VN1R4: variants seen among roughly 807,000 people sequenced by gnomAD.
VN1R4 encodes the protein vomeronasal 1 receptor 4, also known as vomeronasal type-1 receptor 4.
For missense variants in VN1R4, 291 were observed against 364.2 expected, an observed-to-expected ratio of 0.80 and a Z score of 1.64; for synonymous variants, 97 against 138.8, an observed-to-expected ratio of 0.70 and a Z score of 2.12.
chr19:53,267,542 T>C (rs2146990654), exon 1 of VN1R4: 1 of 1,614,000 alleles, frequency 6.2e-7, no homozygotes, highest in East Asian at 2.2e-5. Flanking sequence ...ATCAAATCTG[T>C]GGACCTTAAC....
At chr19:53,266,733 T>A in exon 1 of VN1R4, 1 of 1,560,592 alleles carries the variant, frequency 6.4e-7, no homozygotes. Context: ...ACAATGTACA[T>A]GTTTATGATG....
chr19:53,266,854 G>A lies in VN1R4; in HGVS notation c.812C>T (p.Ala271Val), dbSNP rs2091350607. The stretch of plus-strand genomic sequence containing the variant: ...AGTTGGGAAACATACACTCATTAAG[G>A]CTGAAGTGTTCACCAGTAAACTATT... The change falls in exon 1 of 1, where the codon GCC (alanine) becomes GTC (valine). Residue 271 changes from alanine (A) to valine (V), a missense_variant. By Grantham distance (64) the Ala-to-Val change is moderately conservative (BLOSUM62 0). Transcript: ENST00000311170. 6.2e-7 allele frequency: 1 copy of A among 1,614,132 alleles called. No individual in the cohort carries two copies. The highest frequency in any genetic ancestry group is 8.5e-7 in the Non-Finnish European group (1 of 1,180,020).
exon 1 of VN1R4, chr19:53,267,280 A>G (rs1441682503): frequency 6.2e-7 from 1 of 1,613,930 alleles, no homozygotes; most frequent in South Asian, 1.1e-5. Context: ...GAGAACAGAA[A>G]AGCCAACATG....
chr19:53,266,840 A>G, exon 1 of VN1R4: 1 of 1,614,150 alleles, frequency 6.2e-7, no homozygotes, highest in Non-Finnish European at 8.5e-7. Context: ...GTTGGGAAAC[A>G]TACACTCATT....
exon 1 of VN1R4, chr19:53,267,460 A>G: frequency 2.5e-6 from 4 of 1,614,178 alleles, no homozygotes; most frequent in Non-Finnish European, 3.4e-6. Flanking sequence ...TCTAACCCCA[A>G]AAGCTGCCAT....
exon 1 of VN1R4, chr19:53,266,993 C>G (rs767207068): frequency 7.5e-6 from 12 of 1,602,864 alleles, no homozygotes; most frequent in Middle Eastern, 3.4e-4. Flanking sequence ...TCTGGGGAGG[C>G]TCTGGGGGAG....
rs1038660018 is a variant in VN1R4 at position 53,266,680 on chromosome 19, G to T, written c.*80C>A. ...GGTTCATAATTAAGATTACATTGCG[G>T]CACAGAAGAGTAAGTCATCAATTGA... On this transcript the variant is annotated 3_prime_UTR_variant, in exon 1 of 1. Transcript: ENST00000311170. 1.0e-5 allele frequency: 14 copies of T among 1,386,154 alleles called. No homozygotes were observed. In the African/African-American group the frequency reaches 1.7e-4, roughly 17 times the overall value. The allele number at this position is 1,386,154 out of a possible 1,614,324, so 85.9% of individuals were successfully genotyped here. A position where few individuals can be genotyped will look rare whatever the true frequency, so the allele number is the denominator to read the frequency against.
chr19:53,267,047 G>A lies in VN1R4; in HGVS notation c.619C>T (p.His207Tyr), dbSNP rs540095827. ...TGCTGGACCCGCTGCTTGTGCCTGT[G>A]CAGTATGCAAACCATGGAGCTGCTG... Residue 207 changes from histidine (H) to tyrosine (Y), a missense_variant, in exon 1 of 1, where the codon CAC becomes TAC. Transcript: ENST00000311170. The A allele has an allele frequency of 1.3e-5, 21 of 1,612,950 alleles. No homozygotes were observed. The South Asian group carries it at 2.1e-4, about 16-fold the overall frequency.
Position 53,267,464 on chromosome 19 carries a change from C to T in VN1R4, c.202G>A (p.Ala68Thr), listed in dbSNP as rs534253162. 1.5e-5 allele frequency: 25 copies of T among 1,614,176 alleles called. No individual in the cohort carries two copies. In the East Asian group the frequency reaches 5.6e-4, roughly 36 times the overall value. Residue 68 changes from alanine (A) to threonine (T), a missense_variant, in exon 1 of 1, where the codon GCT becomes ACT. By Grantham distance (58) the Ala-to-Thr change is moderately conservative. Coordinates refer to ENST00000311170, the Ensembl canonical transcript of VN1R4. The stretch of plus-strand genomic sequence containing the variant: ...TTGAGAAAATATCTAACCCCAAAAG[C>T]TGCCATTGTCTGGGGGACTCCTTTA...
At chr19:53,267,621 G>C (rs142658822) in exon 1 of VN1R4, 3 of 1,612,444 alleles carry the variant, frequency 1.9e-6, no homozygotes, top group East Asian at 2.2e-5. Context: ...CTCCCACCAC[G>C]GTCTGTGATA....
At chr19:53,267,646 G>A in exon 1 of VN1R4, 1 of 1,598,464 alleles carries the variant, frequency 6.3e-7, no homozygotes, top group East Asian at 2.2e-5. Flanking sequence ...CATTCCCACT[G>A]CCACATACCG....
chr19:53,266,887 T>C (rs771480899), exon 1 of VN1R4: 11 of 1,613,964 alleles, frequency 6.8e-6, no homozygotes, highest in Non-Finnish European at 4.2e-6. Flanking sequence ...ATTGGGATTA[T>C]CCAAAAGAGC....
chr19:53,267,647 C>G, exon 1 of VN1R4: 1 of 1,598,116 alleles, frequency 6.3e-7, no homozygotes, highest in Non-Finnish European at 8.5e-7. Context: ...ATTCCCACTG[C>G]CACATACCGG....
chr19:53,267,660 G>A, exon 1 of VN1R4: 1 of 1,583,836 alleles, frequency 6.3e-7, no homozygotes, highest in African/African-American at 1.4e-5. Context: ...CATACCGGGA[G>A]GCCATTCTGC....
chr19:53,266,822 G>A (rs1446954286), exon 1 of VN1R4: 1 of 1,614,138 alleles, frequency 6.2e-7, no homozygotes, highest in Admixed American at 1.7e-5. Flanking sequence ...AGAACAAAGG[G>A]GCTGAGAGTT....
rs1311165275 is a variant in VN1R4 at position 53,267,644 on chromosome 19, C to T, written c.22G>A (p.Val8Met). ...ACGGTCTGTGATAAGATCATTCCCA[C>T]TGCCACATACCGGGAGGCCATTCTG... Residue 8 changes from valine (V) to methionine (M), a missense_variant, in exon 1 of 1, where the codon GTG becomes ATG. Physicochemically the swap from Val to Met is conservative, Grantham distance 21. Transcript: ENST00000311170. 3 of 1,599,926 alleles carry T rather than the reference C, an allele frequency of 1.9e-6. No homozygotes were observed. In the South Asian group the frequency reaches 3.4e-5, roughly 18 times the overall value.
exon 1 of VN1R4, chr19:53,267,459 A>C: frequency 6.2e-7 from 1 of 1,614,210 alleles, no homozygotes; most frequent in Non-Finnish European, 8.5e-7. Flanking sequence ...ATCTAACCCC[A>C]AAAGCTGCCA....
chr19:53,267,591 A>G (rs1482110261), exon 1 of VN1R4: 1 of 1,613,782 alleles, frequency 6.2e-7, no homozygotes, highest in Non-Finnish European at 8.5e-7. Context: ...AATGGAGAAG[A>G]ACAGAGAAGC....
exon 1 of VN1R4, chr19:53,266,677 G>C: frequency 7.4e-7 from 1 of 1,354,472 alleles, no homozygotes; most frequent in Non-Finnish European, 1.0e-6. Context: ...AGATTACATT[G>C]CGGCACAGAA....
Sources: allele counts gnomAD v4.1 joint callset, GRCh38; gene constraint gnomAD v4.1.1; transcripts MANE v1.5; gene names NCBI Gene and HGNC (gene_info 2026-07-23, HGNC 2026-07-21).